The following TMEM132D variants were observed in gnomAD, a reference collection of about 807,000 sequenced individuals.
TMEM132D encodes transmembrane protein 132D.
A neutral mutation model predicts 62.3 loss-of-function variants in TMEM132D; 21 were observed. That is an observed-to-expected ratio of 0.34 (90% CI 0.24 to 0.49). TMEM132D has a LOEUF of 0.49. Among genes scored for constraint, TMEM132D ranks in the 20% least tolerant of loss-of-function variants. The pLI is 0.99. For missense variants in TMEM132D, 1,346 were observed against 1,402.8 expected (o/e 0.96, Z 0.65); for synonymous variants, 621 against 575.6 (o/e 1.08, Z -1.13).
At chr12:129,640,246 T>A (rs1404712982) in intron 2 of TMEM132D, among the ~76,000 whole-genome samples, 1 of 152,180 alleles carries the variant, frequency 6.6e-6, no homozygotes, top group Non-Finnish European at 1.5e-5. Flanking sequence ...GGAATCGTCT[T>A]TGTAACTATT....
At chr12:129,591,645 C>G (rs1171051643) in intron 2 of TMEM132D, among the ~76,000 whole-genome samples, 3 of 150,412 alleles carry the variant, frequency 2.0e-5, no homozygotes, top group Non-Finnish European at 4.4e-5. Flanking sequence ...ACTGAAGGTA[C>G]AGTGATAGCA....
chr12:129,549,545 C>G lies in TMEM132D; in HGVS notation c.969-18340G>C, dbSNP rs184082912. ...ACACCATGTAAGACGTGCCTTTACT[C>G]CTCCTTTGCCTTCTGCCATGATTGT... On this transcript the variant is annotated intron_variant, in intron 2 of 8. Coordinates refer to ENST00000422113, the MANE Select transcript of TMEM132D (RefSeq NM_133448.3). Among the ~76,000 whole-genome samples the G allele has an allele frequency of 4.6e-5, 7 of 152,306 alleles. No individual in the cohort carries two copies. In the South Asian group the frequency reaches 1.5e-3, roughly 32 times the overall value.
At chr12:129,165,440 G>A (rs1877515877) in intron 5 of TMEM132D, among the ~76,000 whole-genome samples, 1 of 152,214 alleles carries the variant, frequency 6.6e-6, no homozygotes, top group Admixed American at 6.5e-5. Context: ...AAAGTGTTGT[G>A]ATGTCTGCAA....
At chr12:129,897,132 A>G (rs1409173858) in intron 1 of TMEM132D, among the ~76,000 whole-genome samples, 2 of 152,202 alleles carry the variant, frequency 1.3e-5, no homozygotes, top group Admixed American at 6.5e-5. Flanking sequence ...TAAATAAATG[A>G]CAAAGTCATC....
intron 1 of TMEM132D, among the ~76,000 whole-genome samples, chr12:129,890,388 A>C (rs944061894): frequency 6.6e-6 from 1 of 152,190 alleles, no homozygotes. Context: ...CAATGGTACT[A>C]TTGGGATTGG....
At chr12:129,365,532 G>T (rs1870378638) in intron 3 of TMEM132D, among the ~76,000 whole-genome samples, 1 of 152,118 alleles carries the variant, frequency 6.6e-6, no homozygotes, top group Admixed American at 6.5e-5. Flanking sequence ...TTGGATGCAA[G>T]GTGTTTGTTA....
intron 2 of TMEM132D, among the ~76,000 whole-genome samples, chr12:129,647,239 TTC>T (rs1047460803): frequency 4.3e-5 from 5 of 117,028 alleles, no homozygotes; most frequent in African/African-American, 1.8e-4. Flanking sequence ...TCCTTTGTTT[TTC>T]TGTTTTTTTT....
intron 3 of TMEM132D, among the ~76,000 whole-genome samples, chr12:129,437,540 C>T (rs952927135): frequency 6.6e-6 from 1 of 152,010 alleles, no homozygotes; most frequent in Non-Finnish European, 1.5e-5. Context: ...TTGGAAAATA[C>T]CTTCTGACAT....
At chr12:129,248,256 C>T (rs1291172242) in intron 4 of TMEM132D, among the ~76,000 whole-genome samples, 1 of 152,182 alleles carries the variant, frequency 6.6e-6, no homozygotes, top group Non-Finnish European at 1.5e-5. Flanking sequence ...TCTCTATCAA[C>T]TTTATGATAA....
intron 5 of TMEM132D, among the ~76,000 whole-genome samples, chr12:129,115,994 T>C (rs1331963580): frequency 1.3e-5 from 2 of 152,226 alleles, no homozygotes; most frequent in East Asian, 3.9e-4. Flanking sequence ...CTTTTGTGTT[T>C]GGCTGAATTC....
intron 3 of TMEM132D, among the ~76,000 whole-genome samples, chr12:129,419,542 C>G (rs1313107538): frequency 1.3e-5 from 2 of 152,062 alleles, no homozygotes; most frequent in Non-Finnish European, 2.9e-5. Context: ...GAGACTGTTC[C>G]TGATAACATC....
intron 2 of TMEM132D, among the ~76,000 whole-genome samples, chr12:129,573,769 A>ATGTTTATTTT (rs1565908517): frequency 1.9e-4 from 29 of 149,886 alleles, no homozygotes; most frequent in African/African-American, 6.9e-4. Flanking sequence ...GCAGGGAAAG[A>ATGTTTATTTT]TAACAGTGTC....
intron 3 of TMEM132D, among the ~76,000 whole-genome samples, chr12:129,392,952 G>A (rs1409139822): frequency 5.3e-5 from 8 of 152,224 alleles, no homozygotes; most frequent in Non-Finnish European, 7.3e-5. Context: ...TGGAGGGTAT[G>A]CATCCCACCT....
At chr12:129,780,339 AGG>A (rs5801871) in intron 1 of TMEM132D, among the ~76,000 whole-genome samples, 33 of 145,336 alleles carry the variant, frequency 2.3e-4, no homozygotes, top group African/African-American at 3.8e-4. Context: ...GTTGGTGGGG[AGG>A]GGGGGGGCCG....
chr12:129,159,633 T>C (rs181642856), intron 5 of TMEM132D, among the ~76,000 whole-genome samples: 18 of 151,858 alleles, frequency 1.2e-4, no homozygotes, highest in African/African-American at 3.9e-4. Context: ...TGGTAGTGCA[T>C]GCCTGTAATC....
intron 5 of TMEM132D, among the ~76,000 whole-genome samples, chr12:129,145,391 A>G (rs1876865784): frequency 6.6e-6 from 1 of 152,100 alleles, no homozygotes; most frequent in Non-Finnish European, 1.5e-5. Context: ...TTCAAGGGGC[A>G]GTTCCTCCAG....
At chr12:129,246,854 A>G (rs1024400395) in intron 4 of TMEM132D, among the ~76,000 whole-genome samples, 9 of 152,198 alleles carry the variant, frequency 5.9e-5, no homozygotes, top group African/African-American at 2.2e-4. Context: ...TTCTGTGGCA[A>G]TAGGAAAAAG....
intron 2 of TMEM132D, among the ~76,000 whole-genome samples, chr12:129,634,792 T>G (rs1433777301): frequency 6.6e-6 from 1 of 152,202 alleles, no homozygotes; most frequent in Non-Finnish European, 1.5e-5. Flanking sequence ...ACTAATTTTT[T>G]TAAAATTTTG....
intron 7 of TMEM132D, among the ~76,000 whole-genome samples, chr12:129,080,966 G>A (rs559674575): frequency 2.6e-5 from 4 of 152,200 alleles, no homozygotes; most frequent in South Asian, 2.1e-4. Flanking sequence ...ACTTCACTTC[G>A]TCCTTTAGCA....
Sources: allele counts gnomAD v4.1 joint callset (sites outside exome capture counted in the v4.1 genomes callset), GRCh38; gene constraint gnomAD v4.1.1; transcripts MANE v1.5; gene names NCBI Gene and HGNC (gene_info 2026-07-23, HGNC 2026-07-21).